SLCO1B3: variants seen among roughly 807,000 people sequenced by gnomAD.
The protein encoded by SLCO1B3 is solute carrier organic anion transporter family member 1B3.
In SLCO1B3, 72 loss-of-function variants were observed where a neutral mutation model predicts 71.8. That is an observed-to-expected ratio of 1.00 (90% CI 0.83 to 1.22). The LOEUF (loss-of-function observed/expected upper bound fraction) is 1.22, where lower values mean the gene tolerates loss of function less well. Ranked by LOEUF, SLCO1B3 falls within the 50% of genes most tolerant of loss-of-function variation. The probability of loss-of-function intolerance (pLI) is 0.00; values close to 1 mark genes in which losing one functional copy is unlikely to be tolerated. For missense variants in SLCO1B3, 911 were observed against 819.7 expected, an observed-to-expected ratio of 1.11 and a Z score of -1.36; for synonymous variants, 298 against 278.4, an observed-to-expected ratio of 1.07 and a Z score of -0.70.
chr12:20,846,606 C>G (rs766880827), intron 3 of SLCO1B3, among the ~76,000 whole-genome samples: 3 of 152,032 alleles, frequency 2.0e-5, no homozygotes, highest in Admixed American at 6.6e-5. Flanking sequence ...AAACAAATCC[C>G]TGGAAGAACA....
chr12:20,889,369 C>G (rs1277478456), intron 13 of SLCO1B3, among the ~76,000 whole-genome samples: 1 of 151,852 alleles, frequency 6.6e-6, no homozygotes, highest in Non-Finnish European at 1.5e-5. Flanking sequence ...ATTACTAATT[C>G]AATTTAATTG....
chr12:20,872,421 T>G (rs1304186396), intron 8 of SLCO1B3, among the ~76,000 whole-genome samples: 4 of 151,928 alleles, frequency 2.6e-5, no homozygotes, highest in Non-Finnish European at 1.5e-5. Flanking sequence ...GTTGCTCTGT[T>G]CTACTGTAGC....
chr12:20,875,380 A>C lies in SLCO1B3; in HGVS notation c.873A>C (p.Lys291Asn), dbSNP rs142873062. ...KNPNKPQKER[K>N]ISLSLHVLKT... is the part of the protein sequence containing the mutation. ...CAAATAAACCACAAAAAGAAAGAAAAATTTCACTATCATTGCATGTGCTGA... is the reference window on the plus strand; with the variant it reads ...CAAATAAACCACAAAAAGAAAGAAACATTTCACTATCATTGCATGTGCTGA... The change falls in exon 9 of 16, where the codon AAA becomes AAC. Residue 291 changes from lysine to asparagine, a missense_variant. By Grantham distance (94) the Lys-to-Asn change is moderately conservative. Transcript: ENST00000381545. The C allele has an allele frequency of 1.5e-5, 24 of 1,612,576 alleles. No homozygotes were observed. Among genetic ancestry groups the C allele is most frequent in the Non-Finnish European group, 2.0e-5 (23 of 1,179,386 alleles).
In SLCO1B3 at chr12:20,862,871, C is replaced by G. The variant is rs759394525; in HGVS notation, c.727+17C>G. Reference sequence around the variant, plus strand: ...TAGATCTGAGTAAGTACAATTAGAACAAGGTACCATGATAGTGTCTTTTAA... The same window carrying G: ...TAGATCTGAGTAAGTACAATTAGAAGAAGGTACCATGATAGTGTCTTTTAA... On this transcript the variant is annotated intron_variant, in intron 8 of 15. Transcript: ENST00000381545. The G allele has an allele frequency of 7.2e-7, 1 of 1,384,952 alleles. No individual in the cohort carries two copies. The highest frequency in any genetic ancestry group is 1.0e-6 in the Non-Finnish European group (1 of 974,522). The allele number at this position is 1,384,952 out of a possible 1,614,324, so 85.8% of individuals were successfully genotyped here.
chr12:20,886,413 A>G (rs1865794007), intron 13 of SLCO1B3, among the ~76,000 whole-genome samples: 1 of 152,062 alleles, frequency 6.6e-6, no homozygotes. Flanking sequence ...TAGAAACTAC[A>G]TCCTAGGAAC....
chr12:20,853,358 G>T (rs1342018252), intron 3 of SLCO1B3, among the ~76,000 whole-genome samples: 3 of 151,926 alleles, frequency 2.0e-5, no homozygotes, highest in Non-Finnish European at 4.4e-5. Flanking sequence ...GAAGACATTG[G>T]TTACTGGTTT....
chr12:20,898,319 T>A lies in SLCO1B3; in HGVS notation c.1683-117T>A, dbSNP rs1866057132. The A allele has an allele frequency of 4.6e-6, 3 of 650,866 alleles. No individual in the cohort carries two copies. In the Admixed American group the frequency reaches 7.3e-5, roughly 16 times the overall value. 40.3% of individuals were successfully genotyped at this position (650,866 alleles called of 1,614,324 possible). A position where few individuals can be genotyped will look rare whatever the true frequency, so the allele number is the denominator to read the frequency against. ...TGTAACTTTATATAACGTGGGAAAT[T>A]CACTTAAGAGTATTCATTCTACCAG... On this transcript the variant is annotated intron_variant, in intron 13 of 15. Transcript: ENST00000381545.
chr12:20,879,610 G>T lies in SLCO1B3; in HGVS notation c.1310G>T (p.Gly437Val). ...PLICESKSVA[G>V]LTLTYDGNNS... ...ATCTGCGAAAGCAAATCAGTTGCCG[G>T]CCTAACCTTGACCTATGATGGGTTT... The change falls in exon 11 of 16, where the codon GGC becomes GTC. Residue 437 changes from glycine to valine, a missense_variant. Physicochemically the swap from Gly to Val is moderately radical, Grantham distance 109. Transcript: ENST00000381545. 6.2e-7 allele frequency: 1 copy of T among 1,610,170 alleles called. No homozygotes were observed. Among genetic ancestry groups the T allele is most frequent in the Non-Finnish European group, 8.5e-7 (1 of 1,177,882 alleles).
chr12:20,874,535 C>T (rs1293527861), intron 8 of SLCO1B3, among the ~76,000 whole-genome samples: 1 of 152,158 alleles, frequency 6.6e-6, no homozygotes, highest in African/African-American at 2.4e-5. Flanking sequence ...GTTACTTAAA[C>T]TGTATATTTT....
intron 3 of SLCO1B3, among the ~76,000 whole-genome samples, chr12:20,826,421 G>A (rs1231895836): frequency 6.7e-6 from 1 of 149,670 alleles, no homozygotes; most frequent in Non-Finnish European, 1.5e-5. Flanking sequence ...ATTTTATTAA[G>A]AGTGAATCAA....
At chr12:20,910,529 G>A (rs1016533096) in intron 15 of SLCO1B3, among the ~76,000 whole-genome samples, 7 of 152,144 alleles carry the variant, frequency 4.6e-5, no homozygotes, top group African/African-American at 7.2e-5. Flanking sequence ...TTGAATCTGT[G>A]TATCAAGTTG....
In SLCO1B3 at chr12:20,876,208, A is replaced by G. The variant is rs374552723; in HGVS notation, c.970+731A>G. Among the ~76,000 whole-genome samples the G allele has an allele frequency of 8.1e-4, 124 of 152,232 alleles. 2 individuals carry two copies. In the South Asian group the frequency reaches 0.025, roughly 31 times the overall value. ...GTGAATTAGGATTCCTTACCACTTG[A>G]TAGTGGTGCCTCTGTCCAATATAAG... On this transcript the variant is annotated intron_variant, in intron 9 of 15. Coordinates refer to ENST00000381545, the MANE Select transcript of SLCO1B3 (RefSeq NM_019844.4).
At chr12:20,899,013 C>A (rs1866075380) in intron 14 of SLCO1B3, among the ~76,000 whole-genome samples, 1 of 152,002 alleles carries the variant, frequency 6.6e-6, no homozygotes, top group Admixed American at 6.6e-5. Flanking sequence ...GGAGTTAATG[C>A]AAAAGGGAAT....
chr12:20,891,625 T>C (rs1865905409), intron 13 of SLCO1B3, among the ~76,000 whole-genome samples: 1 of 152,106 alleles, frequency 6.6e-6, no homozygotes, highest in Admixed American at 6.6e-5. Flanking sequence ...TCCCACACTT[T>C]TAACTTTTTC....
chr12:20,902,989 C>T (rs1481194674), intron 15 of SLCO1B3, among the ~76,000 whole-genome samples: 1 of 150,650 alleles, frequency 6.6e-6, no homozygotes, highest in Non-Finnish European at 1.5e-5. Flanking sequence ...GGGACAACTG[C>T]TTGAACCTGG....
At chr12:20,896,107 C>A (rs1866001250) in intron 13 of SLCO1B3, among the ~76,000 whole-genome samples, 1 of 152,160 alleles carries the variant, frequency 6.6e-6, no homozygotes, top group Non-Finnish European at 1.5e-5. Context: ...CTCAGGAAAC[C>A]ATTTCTCCTA....
At chr12:20,850,756 T>G (rs1363692994) in intron 3 of SLCO1B3, among the ~76,000 whole-genome samples, 1 of 152,188 alleles carries the variant, frequency 6.6e-6, no homozygotes, top group Non-Finnish European at 1.5e-5. Context: ...GAACGTGCAA[T>G]ATTTGATTTT....
intron 14 of SLCO1B3, 76 bp from the exon 15 acceptor site, chr12:20,901,274 G>C: frequency 2.1e-6 from 2 of 943,854 alleles, no homozygotes; most frequent in Non-Finnish European, 3.2e-6. Context: ...AATCCAAAAT[G>C]TATCAATATC....
intron 4 of SLCO1B3, among the ~76,000 whole-genome samples, chr12:20,856,071 G>A (rs1356695263): frequency 6.6e-6 from 1 of 152,094 alleles, no homozygotes; most frequent in Non-Finnish European, 1.5e-5. Context: ...CACTCTACAT[G>A]TCCTTCACTT....
Sources: allele counts gnomAD v4.1 joint callset (sites outside exome capture counted in the v4.1 genomes callset), GRCh38; gene constraint gnomAD v4.1.1; transcripts MANE v1.5; gene names NCBI Gene and HGNC (gene_info 2026-07-23, HGNC 2026-07-21).